Variants in PDSS2 observed in about 807,000 individuals in gnomAD.
PDSS2 encodes the protein decaprenyl diphosphate synthase subunit 2.
PDSS2 carries 31 observed loss-of-function variants against 44.5 expected under a neutral mutation model. The ratio of observed to expected loss-of-function variants is 0.70; its 90% CI spans 0.52 to 0.94. The LOEUF is 0.94. Ranked by LOEUF, PDSS2 falls within the 40% of genes least tolerant of loss-of-function variation. The pLI is 0.00. For synonymous variants in PDSS2, 157 were observed against 180.3 expected, an observed-to-expected ratio of 0.87 and a Z score of 1.03; for missense variants, 452 against 482.2, an observed-to-expected ratio of 0.94 and a Z score of 0.59.
intron 6 of PDSS2, among the ~76,000 whole-genome samples, chr6:107,196,052 T>C (rs1436891696): frequency 6.6e-6 from 1 of 152,222 alleles, no homozygotes; most frequent in African/African-American, 2.4e-5. Flanking sequence ...TCTAGGATTT[T>C]CAGAGAACTA....
At chr6:107,363,217 T>TA (rs1778835765) in intron 1 of PDSS2, among the ~76,000 whole-genome samples, 1 of 152,226 alleles carries the variant, frequency 6.6e-6, no homozygotes, top group African/African-American at 2.4e-5. Context: ...TACAGAGATA[T>TA]ACACATAGAC....
intron 2 of PDSS2, among the ~76,000 whole-genome samples, chr6:107,304,992 C>T (rs947104298): frequency 2.0e-5 from 3 of 151,838 alleles, no homozygotes; most frequent in African/African-American, 7.3e-5. Context: ...CCAGCCCTGA[C>T]CAGTCATTGA....
intron 6 of PDSS2, among the ~76,000 whole-genome samples, chr6:107,200,665 A>ATATTAT (rs970398348): frequency 2.6e-5 from 4 of 151,644 alleles, no homozygotes; most frequent in African/African-American, 7.3e-5. Flanking sequence ...GCAGAGCAAG[A>ATATTAT]TATTATTATT....
Position 107,227,278 on chromosome 6 carries a change from C to CTTTTTTTTTTTTTTTTTTTTTTTT in PDSS2, c.703-15020_703-14997dup, listed in dbSNP as rs60988844. Among the ~76,000 whole-genome samples, 3 of 102,818 alleles carry CTTTTTTTTTTTTTTTTTTTTTTTT rather than the reference C, an allele frequency of 2.9e-5. 1 individual carries two copies. The highest frequency in any genetic ancestry group is 4.1e-5 in the Non-Finnish European group (2 of 48,784). The allele number at this position is 102,818 out of a possible 152,430, so 67.5% of individuals were successfully genotyped here. On this transcript the variant is annotated intron_variant, in intron 4 of 7. Coordinates refer to ENST00000369037, the MANE Select transcript of PDSS2 (RefSeq NM_020381.4). The stretch of plus-strand genomic sequence containing the variant: ...GATTATAGGTGTAAGCCACTGTGCC[C>CTTTTTTTTTTTTTTTTTTTTTTTT]TTTTTTTTTTTTTTTTTTTTTTTTT...
At chr6:107,208,940 C>A (rs1773105630) in intron 6 of PDSS2, among the ~76,000 whole-genome samples, 1 of 151,850 alleles carries the variant, frequency 6.6e-6, no homozygotes, top group Admixed American at 6.6e-5. Context: ...TTTAAAAAAT[C>A]ATCTTTTTTG....
At chr6:107,400,868 C>T (rs1425090036) in intron 1 of PDSS2, among the ~76,000 whole-genome samples, 2 of 152,204 alleles carry the variant, frequency 1.3e-5, no homozygotes, top group Non-Finnish European at 2.9e-5. Context: ...TAGAGACAGA[C>T]CATAGGTTAT....
intron 1 of PDSS2, among the ~76,000 whole-genome samples, chr6:107,447,030 A>G (rs115071161): frequency 0.01 from 1,546 of 152,170 alleles, 25 homozygotes; most frequent in African/African-American, 0.035. Flanking sequence ...CCTTCTACCT[A>G]TGAGCCTATA....
chr6:107,275,568 G>A (rs1251076656), intron 2 of PDSS2, among the ~76,000 whole-genome samples: 1 of 152,060 alleles, frequency 6.6e-6, no homozygotes, highest in African/African-American at 2.4e-5. Flanking sequence ...CACAGTCACA[G>A]GCGTTGCATG....
chr6:107,339,548 A>C (rs1038225885), intron 1 of PDSS2, among the ~76,000 whole-genome samples: 1 of 152,232 alleles, frequency 6.6e-6, no homozygotes, highest in Non-Finnish European at 1.5e-5. Context: ...GGTAATAAAA[A>C]ACGAATCATG....
At chr6:107,266,275 T>G (rs140303881) in intron 3 of PDSS2, among the ~76,000 whole-genome samples, 1,560 of 152,256 alleles carry the variant, frequency 0.01, 13 homozygotes, top group Middle Eastern at 0.054. Flanking sequence ...GATTTGGAAA[T>G]CATCTATTAC....
chr6:107,279,621 C>T (rs911863371), intron 2 of PDSS2, among the ~76,000 whole-genome samples: 1 of 152,056 alleles, frequency 6.6e-6, no homozygotes, highest in Admixed American at 6.6e-5. Context: ...CCCTTCCAGT[C>T]CCCAAATTAT....
intron 1 of PDSS2, among the ~76,000 whole-genome samples, chr6:107,411,337 C>A (rs1245971416): frequency 6.6e-6 from 1 of 152,206 alleles, no homozygotes; most frequent in African/African-American, 2.4e-5. Context: ...TTAGATTCTG[C>A]ACTCCTACCA....
intron 1 of PDSS2, among the ~76,000 whole-genome samples, chr6:107,346,483 T>A (rs1417162491): frequency 6.6e-6 from 1 of 152,260 alleles, no homozygotes; most frequent in Non-Finnish European, 1.5e-5. Context: ...TTATTTTGAT[T>A]ATTCTTCTTC....
intron 1 of PDSS2, among the ~76,000 whole-genome samples, chr6:107,402,391 T>A (rs1780136123): frequency 5.0e-5 from 5 of 99,200 alleles, no homozygotes. Context: ...AGTGTATTAG[T>A]CTGTTCTCAC....
At chr6:107,338,859 C>T (rs2115273507) in intron 1 of PDSS2, among the ~76,000 whole-genome samples, 1 of 151,922 alleles carries the variant, frequency 6.6e-6, no homozygotes, top group African/African-American at 2.4e-5. Flanking sequence ...AAAAGGGTTC[C>T]CTATGTAGAG....
intron 1 of PDSS2, among the ~76,000 whole-genome samples, chr6:107,401,858 T>A (rs1415405885): frequency 2.0e-5 from 3 of 150,720 alleles, no homozygotes; most frequent in African/African-American, 7.3e-5. Flanking sequence ...AAAAAAGGAA[T>A]GAACAGCTGA....
intron 4 of PDSS2, among the ~76,000 whole-genome samples, chr6:107,212,818 C>G (rs1345506905): frequency 7.7e-6 from 1 of 129,284 alleles, no homozygotes; most frequent in Non-Finnish European, 1.6e-5. Flanking sequence ...CCAGCCTGGG[C>G]AACATAGCAA....
intron 4 of PDSS2, among the ~76,000 whole-genome samples, chr6:107,214,315 T>TCTCCTGACC (rs1773336145): frequency 6.6e-6 from 1 of 151,902 alleles, no homozygotes; most frequent in South Asian, 2.1e-4. Flanking sequence ...GTGGTCTCGA[T>TCTCCTGACC]CTCCTGACCT....
chr6:107,245,183 C>T (rs955267900), intron 4 of PDSS2, among the ~76,000 whole-genome samples: 3 of 152,020 alleles, frequency 2.0e-5, no homozygotes, highest in South Asian at 2.1e-4. Context: ...CTCTGTGACA[C>T]GGAAGGACCC....
Sources: allele counts gnomAD v4.1 joint callset (sites outside exome capture counted in the v4.1 genomes callset), GRCh38; gene constraint gnomAD v4.1.1; transcripts MANE v1.5; gene names NCBI Gene and HGNC (gene_info 2026-07-23, HGNC 2026-07-21).